Variants in SNX8 observed in about 807,000 individuals in gnomAD.
The protein encoded by SNX8 is sorting nexin-8.
A neutral mutation model predicts 51.6 loss-of-function variants in SNX8; 25 were observed. The ratio of observed to expected loss-of-function variants is 0.48; its 90% confidence interval spans 0.35 to 0.68. The LOEUF (loss-of-function observed/expected upper bound fraction) is 0.68, where lower values mean the gene tolerates loss of function less well. SNX8 is among the 30% of genes least tolerant of loss of function. SNX8 has a pLI of 0.00. For synonymous variants in SNX8, 324 were observed against 277.0 expected, an observed-to-expected ratio of 1.17 and a Z score of -1.68; for missense variants, 695 against 624.0, an observed-to-expected ratio of 1.11 and a Z score of -1.21.
intron 1 of SNX8, among the ~76,000 whole-genome samples, chr7:2,298,672 G>T (rs1796326104): frequency 6.7e-6 from 1 of 150,044 alleles, no homozygotes; most frequent in African/African-American, 2.5e-5. Context: ...ACCCAACCTG[G>T]GTTTTGGTTT....
intron 1 of SNX8, among the ~76,000 whole-genome samples, chr7:2,325,856 TA>T (rs967877157): frequency 6.6e-6 from 1 of 151,412 alleles, no homozygotes; most frequent in Non-Finnish European, 1.5e-5. Flanking sequence ...TAAATAAAAA[TA>T]AAAAAATAAA....
At chr7:2,307,385 CACTTT>C (rs1363203762) in intron 1 of SNX8, among the ~76,000 whole-genome samples, 1 of 151,584 alleles carries the variant, frequency 6.6e-6, no homozygotes, top group Non-Finnish European at 1.5e-5. Flanking sequence ...GTAATCCCAG[CACTTT>C]GGGAAGCCAA....
At chr7:2,291,211 G>C (rs1037078537) in intron 1 of SNX8, among the ~76,000 whole-genome samples, 1 of 152,066 alleles carries the variant, frequency 6.6e-6, no homozygotes, top group Non-Finnish European at 1.5e-5. Context: ...GAGGCAGGAG[G>C]GTCCTTTGAG....
In SNX8 at chr7:2,263,315, T is replaced by C. The variant is rs767419725; in HGVS notation, c.830A>G (p.Asn277Ser). The change falls in exon 7 of 11, where the codon AAT becomes AGT. Residue 277 changes from asparagine (N) to serine (S), a missense_variant. By Grantham distance (46) the Asn-to-Ser change is conservative. Coordinates refer to ENST00000222990, the MANE Select transcript of SNX8 (RefSeq NM_013321.4). ...CTTCAGGGACCCCCACGTGCTGCTA[T>C]TCAGAGCGGCCCAGGAGGGCAGCGG... ...TTPLPSWAAL[N>S]SSTWGSLKQA... 2.5e-6 allele frequency: 4 copies of C among 1,613,476 alleles called. No individual in the cohort carries two copies. In the African/African-American group the frequency reaches 4.0e-5, roughly 16 times the overall value.
intron 1 of SNX8, among the ~76,000 whole-genome samples, chr7:2,331,482 G>T (rs537177553): frequency 6.6e-6 from 1 of 151,934 alleles, no homozygotes; most frequent in Non-Finnish European, 1.5e-5. Context: ...CAAGAGGGCA[G>T]ATCACGAGGT....
intron 5 of SNX8, among the ~76,000 whole-genome samples, chr7:2,268,882 C>A (rs1411674823): frequency 3.9e-5 from 1 of 25,970 alleles, no homozygotes; most frequent in Admixed American, 3.2e-4. Flanking sequence ...CCCGGCCAGC[C>A]GCCCCGTCCG....
upstream of SNX8, chr7:2,314,576 G>T (rs1330368298): frequency 4.8e-5 from 34 of 704,886 alleles, no homozygotes; most frequent in Non-Finnish European, 5.7e-5. Flanking sequence ...CGCGCTCCTC[G>T]CCCGGCCTCG....
chr7:2,299,576 T>C (rs1396784342), intron 1 of SNX8: 2 of 152,100 alleles, frequency 1.3e-5, no homozygotes, highest in Admixed American at 6.6e-5. Context: ...TTTTAGCAAA[T>C]TGGGGGAATC....
At chr7:2,305,392 C>T (rs1460025828) in intron 1 of SNX8, among the ~76,000 whole-genome samples, 2 of 152,160 alleles carry the variant, frequency 1.3e-5, no homozygotes, top group Admixed American at 1.3e-4. Flanking sequence ...GAGATAAAGT[C>T]TTGCTCTGTT....
chr7:2,256,949 G>A lies in SNX8; in HGVS notation c.1209C>T (p.Leu403=), dbSNP rs1323739239. The A allele has an allele frequency of 1.2e-5, 20 of 1,613,530 alleles. No homozygotes were observed. Among genetic ancestry groups the A allele is most frequent in the Non-Finnish European group, 1.5e-5 (18 of 1,179,824 alleles). The change falls in exon 10 of 11, where the codon CTC becomes CTT. Residue 403 remains leucine, a synonymous_variant. Transcript: ENST00000222990. ...SLYCLHQETQ[L]IHVYLPLTSH... is the part of the protein sequence containing the mutation. ...AGGTGAGGGGCAGGTAGACGTGGAT[G>A]AGCTGCGTCTCCTGGTGCAGGCAGT... is the stretch of plus-strand genomic sequence containing the variant.
Position 2,256,957 on chromosome 7 carries a change from T to C in SNX8, c.1201A>G (p.Thr401Ala), listed in dbSNP as rs769159284. ...GGCAGGTAGACGTGGATGAGCTGCG[T>C]CTCCTGGTGCAGGCAGTACAGGGAG... is the stretch of plus-strand genomic sequence containing the variant. Reference protein sequence around the residue: ...YFSLYCLHQETQLIHVYLPLT... With the variant: ...YFSLYCLHQEAQLIHVYLPLT... The change falls in exon 10 of 11, where the codon ACG becomes GCG. Residue 401 changes from threonine to alanine, a missense_variant. By Grantham distance (58) the Thr-to-Ala change is moderately conservative. Coordinates refer to ENST00000222990, the MANE Select transcript of SNX8 (RefSeq NM_013321.4). The C allele has an allele frequency of 1.2e-6, 2 of 1,613,638 alleles. No homozygotes were observed. Among genetic ancestry groups the C allele is most frequent in the Non-Finnish European group, 1.7e-6 (2 of 1,179,860 alleles).
chr7:2,318,674 G>A (rs1172905078), upstream of SNX8, among the ~76,000 whole-genome samples: 9 of 150,016 alleles, frequency 6.0e-5, no homozygotes, highest in South Asian at 2.1e-4. Flanking sequence ...CAGCTTGGGC[G>A]AAAACAGGGA....
At chr7:2,273,142 A>C (rs1749765169) in intron 3 of SNX8, among the ~76,000 whole-genome samples, 1 of 151,958 alleles carries the variant, frequency 6.6e-6, no homozygotes, top group Non-Finnish European at 1.5e-5. Context: ...GCCTTTAAAT[A>C]CTATTTTTAA....
intron 3 of SNX8, among the ~76,000 whole-genome samples, chr7:2,274,513 G>T (rs151321421): frequency 6.6e-6 from 1 of 152,204 alleles, no homozygotes; most frequent in Admixed American, 6.5e-5. Context: ...CAGCCCAGGG[G>T]GACACAGGCC....
chr7:2,295,592 CAA>C (rs147853805), intron 1 of SNX8, among the ~76,000 whole-genome samples: 3 of 93,562 alleles, frequency 3.2e-5, no homozygotes, highest in African/African-American at 1.4e-4. Flanking sequence ...GTAATCCCAG[CAA>C]AAAAAAAAAA....
chr7:2,281,986 C>A (rs1158409669), intron 1 of SNX8, among the ~76,000 whole-genome samples: 1 of 152,140 alleles, frequency 6.6e-6, no homozygotes, highest in Non-Finnish European at 1.5e-5. Context: ...AGACCCAACC[C>A]GGAACCTGGA....
intron 1 of SNX8, among the ~76,000 whole-genome samples, chr7:2,284,856 T>C (rs1312527726): frequency 1.3e-5 from 2 of 152,176 alleles, no homozygotes; most frequent in African/African-American, 2.4e-5. Flanking sequence ...CTTTCTACCC[T>C]GGATTAAAAC....
intron 5 of SNX8, among the ~76,000 whole-genome samples, chr7:2,266,879 A>T (rs543727169): frequency 1.3e-4 from 20 of 152,264 alleles, no homozygotes; most frequent in Non-Finnish European, 1.5e-4. Context: ...TAGCTACCTT[A>T]GTCTTTTTTG....
chr7:2,319,605 G>A (rs1281500882), intron 1 of SNX8, among the ~76,000 whole-genome samples: 1 of 152,092 alleles, frequency 6.6e-6, no homozygotes, highest in Non-Finnish European at 1.5e-5. Context: ...CACAAGGTCA[G>A]GAGATCGAGA....
Sources: allele counts gnomAD v4.1 joint callset (sites outside exome capture counted in the v4.1 genomes callset), GRCh38; gene constraint gnomAD v4.1.1; transcripts MANE v1.5; gene names NCBI Gene and HGNC (gene_info 2026-07-23, HGNC 2026-07-21).